The following SCAPER variants were observed in gnomAD, a reference collection of about 807,000 sequenced individuals.
The protein encoded by SCAPER is S phase cyclin A-associated protein in the endoplasmic reticulum.
SCAPER carries 98 observed loss-of-function variants against 182.2 expected under a neutral mutation model. The observed-to-expected ratio is 0.54, with a 90% CI of 0.46 to 0.64. The LOEUF (loss-of-function observed/expected upper bound fraction) is 0.64. Ranked by LOEUF, SCAPER falls within the 30% of genes least tolerant of loss-of-function variation. The probability of loss-of-function intolerance (pLI) is 0.00; values close to 1 mark genes in which losing one functional copy is unlikely to be tolerated. For synonymous variants in SCAPER, 605 were observed against 564.6 expected, an observed-to-expected ratio of 1.07 and a Z score of -1.01; for missense variants, 1,432 against 1,690.0, an observed-to-expected ratio of 0.85 and a Z score of 2.68.
At chr15:76,454,791 T>C (rs1016111517) in intron 25 of SCAPER, among the ~76,000 whole-genome samples, 4 of 152,058 alleles carry the variant, frequency 2.6e-5, no homozygotes, top group African/African-American at 9.7e-5. Context: ...AACATTGAAA[T>C]GATCTTGTTC....
At chr15:76,612,162 T>C (rs2051056342) in intron 22 of SCAPER, among the ~76,000 whole-genome samples, 1 of 152,226 alleles carries the variant, frequency 6.6e-6, no homozygotes, top group African/African-American at 2.4e-5. Context: ...AAACTATCCC[T>C]GTTTGCAGAT....
chr15:76,461,139 C>T lies in SCAPER; in HGVS notation c.3078+10073G>A, dbSNP rs370655455. ...CTTAATTTTTGGTCTGATGTTTTCT[C>T]ATAATTTGATGGTGGTTATGCACTT... On this transcript the variant is annotated intron_variant, in intron 25 of 31. Transcript: ENST00000563290. 8.5e-5 allele frequency among the ~76,000 whole-genome samples: 13 copies of T among 152,106 alleles called. No homozygotes were observed. In the East Asian group the frequency reaches 1.5e-3, roughly 18 times the overall value.
intron 27 of SCAPER, among the ~76,000 whole-genome samples, chr15:76,389,815 CA>C (rs34780168): frequency 0.011 from 1,080 of 95,538 alleles, 4 homozygotes; most frequent in African/African-American, 0.042. Flanking sequence ...GACTCCGTCT[CA>C]AAAAAAAAAA....
At chr15:76,821,878 TA>T (rs202243558) in intron 5 of SCAPER, among the ~76,000 whole-genome samples, 2 of 149,596 alleles carry the variant, frequency 1.3e-5, no homozygotes, top group Admixed American at 6.7e-5. Context: ...ACCTCATCTC[TA>T]AAAAAAAAGG....
chr15:76,476,614 T>TC (rs1004067197), intron 24 of SCAPER, among the ~76,000 whole-genome samples: 3 of 135,660 alleles, frequency 2.2e-5, no homozygotes, highest in Non-Finnish European at 4.7e-5. Context: ...TTTTTTTTTT[T>TC]TTTTTTTTTG....
chr15:76,762,979 G>A lies in SCAPER; in HGVS notation c.1725+1982C>T, dbSNP rs1025130730. Among the ~76,000 whole-genome samples the A allele has an allele frequency of 1.2e-4, 19 of 152,146 alleles. 1 individual carries two copies. Among genetic ancestry groups the A allele is most frequent in the African/African-American group, 4.1e-4 (17 of 41,512 alleles). ...GCCTTCTTTAAAGTTTTATATTGGGGTTACCAGTTATTTCTGTACCACCCT... is the reference window on the plus strand; with the variant it reads ...GCCTTCTTTAAAGTTTTATATTGGGATTACCAGTTATTTCTGTACCACCCT... On this transcript the variant is annotated intron_variant, in intron 14 of 31. Transcript: ENST00000563290.
intron 22 of SCAPER, among the ~76,000 whole-genome samples, chr15:76,617,407 T>C (rs1404211620): frequency 1.3e-5 from 2 of 152,240 alleles, no homozygotes; most frequent in Admixed American, 1.3e-4. Context: ...CATCAGTAAT[T>C]ACTTGCTGTG....
intron 21 of SCAPER, among the ~76,000 whole-genome samples, chr15:76,636,141 C>T (rs1467477677): frequency 6.6e-6 from 1 of 152,106 alleles, no homozygotes; most frequent in Non-Finnish European, 1.5e-5. Context: ...AGTAATTTCT[C>T]CTTCTTTTGT....
At chr15:76,363,022 T>A (rs909933945) in intron 29 of SCAPER, among the ~76,000 whole-genome samples, 1 of 152,208 alleles carries the variant, frequency 6.6e-6, no homozygotes, top group African/African-American at 2.4e-5. Flanking sequence ...TAAACACTTA[T>A]GTCACTGGGA....
chr15:76,728,501 T>A (rs1018905738), intron 17 of SCAPER, 94 bp downstream of exon 17: 13 of 1,528,542 alleles, frequency 8.5e-6, no homozygotes, highest in Non-Finnish European at 1.2e-5. Flanking sequence ...AAACCTCATC[T>A]CAAAAAAACT....
chr15:76,735,584 CCCAGCTA>C (rs780474065), intron 15 of SCAPER, among the ~76,000 whole-genome samples: 19 of 151,710 alleles, frequency 1.3e-4, no homozygotes, highest in Non-Finnish European at 2.4e-4. Context: ...CCCCTGTAAT[CCCAGCTA>C]CTTTGGAGGC....
chr15:76,449,421 T>C (rs777005504), intron 25 of SCAPER, among the ~76,000 whole-genome samples: 2 of 152,256 alleles, frequency 1.3e-5, no homozygotes, highest in African/African-American at 4.8e-5. Flanking sequence ...CAATTCAGCT[T>C]AATTCAGTAA....
chr15:76,791,256 CTTACAG>C (rs1376535573), intron 8 of SCAPER, among the ~76,000 whole-genome samples: 1 of 152,138 alleles, frequency 6.6e-6, no homozygotes, highest in Non-Finnish European at 1.5e-5. Flanking sequence ...TGTATTTGGA[CTTACAG>C]TTATAGCCAC....
chr15:76,800,963 C>T (rs75480536), intron 6 of SCAPER, among the ~76,000 whole-genome samples: 2,195 of 152,290 alleles, frequency 0.014, 53 homozygotes, highest in African/African-American at 0.051. Context: ...ATAACATGCC[C>T]TCAATCAGAT....
chr15:76,794,215 A>G (rs931390726), intron 8 of SCAPER, among the ~76,000 whole-genome samples: 2 of 152,224 alleles, frequency 1.3e-5, no homozygotes, highest in African/African-American at 4.8e-5. Flanking sequence ...ATCAAGATCT[A>G]TTATTTCACC....
chr15:76,416,784 A>G (rs2142282345), intron 26 of SCAPER, among the ~76,000 whole-genome samples: 1 of 152,398 alleles, frequency 6.6e-6, no homozygotes, highest in Middle Eastern at 3.4e-3. Context: ...GTAAAAAACT[A>G]AAATACACTT....
intron 26 of SCAPER, among the ~76,000 whole-genome samples, chr15:76,423,469 C>CG (rs1220356194): frequency 4.6e-5 from 7 of 152,100 alleles, no homozygotes; most frequent in African/African-American, 1.7e-4. Flanking sequence ...GGTGATATCC[C>CG]GTTCATCATT....
rs548173209 is a variant in SCAPER, at chr15:76,603,917, G to T, written c.2711+17847C>A. On this transcript the variant is annotated intron_variant, in intron 22 of 31. Coordinates refer to ENST00000563290, the MANE Select transcript of SCAPER (RefSeq NM_020843.4). ...AAATTTGAGTTCATTGTAGATTCTG[G>T]ATATTAGCCCTTTGTCAGATGAGTA... 1.6e-3 allele frequency among the ~76,000 whole-genome samples: 194 copies of T among 121,456 alleles called. 53 individuals are homozygous for T. Among genetic ancestry groups the T allele is most frequent in the Admixed American group, 3.4e-3 (36 of 10,708 alleles). 79.7% of individuals were successfully genotyped at this position (121,456 alleles called of 152,430 possible).
intron 22 of SCAPER, among the ~76,000 whole-genome samples, chr15:76,603,889 T>C (rs193078707): frequency 0.022 from 2,662 of 120,320 alleles, 346 homozygotes; most frequent in African/African-American, 0.063. Flanking sequence ...TTTTTTTTCT[T>C]GTAAATTTGA....
Sources: allele counts gnomAD v4.1 joint callset (sites outside exome capture counted in the v4.1 genomes callset), GRCh38; gene constraint gnomAD v4.1.1; transcripts MANE v1.5; gene names NCBI Gene and HGNC (gene_info 2026-07-23, HGNC 2026-07-21).